The following BEND4 variants were observed in gnomAD, a reference collection of about 807,000 sequenced individuals.
The protein encoded by BEND4 is BEN domain containing 4.
A neutral mutation model predicts 54.7 loss-of-function variants in BEND4; 27 were observed. The observed-to-expected ratio is 0.49, with a 90% confidence interval of 0.36 to 0.68. The LOEUF (loss-of-function observed/expected upper bound fraction) is 0.68. Among genes scored for constraint, BEND4 ranks in the 30% least tolerant of loss-of-function variants. The pLI is 0.00. For missense variants in BEND4, 702 were observed against 697.2 expected (o/e 1.01, Z -0.08); for synonymous variants, 327 against 299.5 (o/e 1.09, Z -0.95).
chr4:42,133,823 C>T (rs1720595529), intron 3 of BEND4, among the ~76,000 whole-genome samples: 1 of 152,238 alleles, frequency 6.6e-6, no homozygotes, highest in Admixed American at 6.5e-5. Flanking sequence ...CACTGCACTC[C>T]AGCCTGGGCA....
Position 42,143,874 on chromosome 4 carries a change from T to C in BEND4, c.608A>G (p.Gln203Arg). 1.3e-6 allele frequency: 2 copies of C among 1,546,660 alleles called. No individual in the cohort carries two copies. Among genetic ancestry groups the C allele is most frequent in the South Asian group, 1.3e-5 (1 of 77,612 alleles). ...HSQSMISCVKQEGSSYNERQE... is the reference protein window; with the variant it reads ...HSQSMISCVKREGSSYNERQE... ...TCTTTCGTTGTAACTTGAGCCTTCC[T>C]GCTTTACGCAAGAAATCATGGACTG... The change falls in exon 3 of 6, where the codon CAG (glutamine) becomes CGG (arginine). Residue 203 changes from glutamine to arginine, a missense_variant. By Grantham distance (43) the Gln-to-Arg change is conservative (BLOSUM62 1). Transcript: ENST00000502486.
intron 4 of BEND4, 105 bp from the exon 5 acceptor site, chr4:42,120,399 T>C (rs139179290): frequency 1.3e-3 from 1,778 of 1,392,346 alleles, no homozygotes; most frequent in Non-Finnish European, 1.7e-3. Context: ...CAAGTGGCTA[T>C]GCTGACAATG....
intron 3 of BEND4, among the ~76,000 whole-genome samples, chr4:42,132,513 C>T (rs1043383790): frequency 3.9e-5 from 6 of 152,072 alleles, no homozygotes; most frequent in African/African-American, 1.2e-4. Flanking sequence ...GGTGTGACCT[C>T]GGCTCACTGC....
chr4:42,122,629 C>T (rs1044702378), intron 4 of BEND4, among the ~76,000 whole-genome samples: 1 of 152,152 alleles, frequency 6.6e-6, no homozygotes, highest in African/African-American at 2.4e-5. Context: ...GAGACTTCTA[C>T]CATCCTTAAT....
At chr4:42,137,946 A>C (rs1467745564) in intron 3 of BEND4, among the ~76,000 whole-genome samples, 1 of 152,170 alleles carries the variant, frequency 6.6e-6, no homozygotes, top group Non-Finnish European at 1.5e-5. Context: ...AAAGATAACA[A>C]GTGTTGGTGA....
intron 3 of BEND4, among the ~76,000 whole-genome samples, chr4:42,143,128 A>G (rs140849489): frequency 6.6e-6 from 1 of 152,334 alleles, no homozygotes; most frequent in Non-Finnish European, 1.5e-5. Flanking sequence ...AATTATTTTT[A>G]TATTGACAGA....
chr4:42,145,689 CA>C (rs5857833), intron 2 of BEND4, among the ~76,000 whole-genome samples: 24,565 of 104,708 alleles, frequency 0.23, 2,038 homozygotes, highest in Middle Eastern at 0.31. Context: ...GACTCCATCT[CA>C]AAAAAAAAAA....
In BEND4 at chr4:42,150,802, T is replaced by C. The variant is rs146404100; in HGVS notation, c.487+855A>G. The stretch of plus-strand genomic sequence containing the variant: ...AGGAGAGGAGTCGCGGACCCCAGAG[T>C]GGGTGCCTCCCACGAGGCGTTTCTG... On this transcript the variant is annotated intron_variant, in intron 2 of 5. Transcript: ENST00000502486. Among the ~76,000 whole-genome samples, 379 of 148,164 alleles carry C rather than the reference T, an allele frequency of 2.6e-3. 1 individual carries two copies. Among genetic ancestry groups the C allele is most frequent in the African/African-American group, 9.1e-3 (366 of 40,132 alleles).
At chr4:42,134,806 G>A (rs1720640108) in intron 3 of BEND4, among the ~76,000 whole-genome samples, 1 of 152,194 alleles carries the variant, frequency 6.6e-6, no homozygotes, top group South Asian at 2.1e-4. Flanking sequence ...TATGTTCTTA[G>A]GTTGAAAGGA....
rs375546339 is a variant in BEND4, at chr4:42,130,308, A to G, written c.1055-4634T>C. On this transcript the variant is annotated intron_variant, in intron 3 of 5. Transcript: ENST00000502486. Reference sequence around the variant, plus strand: ...ATCCCAGCTAACACGGTGAAACCCCATCTCTACTAAAAATACAAAAAATTA... The same window carrying G: ...ATCCCAGCTAACACGGTGAAACCCCGTCTCTACTAAAAATACAAAAAATTA... Among the ~76,000 whole-genome samples the G allele has an allele frequency of 7.9e-4, 120 of 151,970 alleles. No homozygotes were observed. The Middle Eastern group carries it at 0.02, about 26-fold the overall frequency.
rs565976119 is a variant in BEND4, at chr4:42,135,608, T to A, written c.1054+7820A>T. 2.0e-5 allele frequency among the ~76,000 whole-genome samples: 3 copies of A among 151,416 alleles called. No individual in the cohort carries two copies. In the East Asian group the frequency reaches 5.9e-4, roughly 30 times the overall value. On this transcript the variant is annotated intron_variant, in intron 3 of 5. Coordinates refer to ENST00000502486, the MANE Select transcript of BEND4 (RefSeq NM_207406.4). Reference sequence around the variant, plus strand: ...TAACACAGTGAAACCCCGTCTCTACTAAAAAAAATACAAAAAATTAGCCAG... The same window carrying A: ...TAACACAGTGAAACCCCGTCTCTACAAAAAAAAATACAAAAAATTAGCCAG...
intron 3 of BEND4, among the ~76,000 whole-genome samples, chr4:42,139,103 T>C (rs1350946623): frequency 6.6e-6 from 1 of 152,222 alleles, no homozygotes; most frequent in Non-Finnish European, 1.5e-5. Context: ...ATTTTCCTTC[T>C]TTTAAAAACC....
intron 1 of BEND4, 24 bp from the exon 2 acceptor site, chr4:42,152,400 A>G (rs906907086): frequency 3.9e-6 from 1 of 255,278 alleles, no homozygotes; most frequent in Non-Finnish European, 7.4e-6. Flanking sequence ...GGAGGTAAAG[A>G]GCAAGTGTTT....
Position 42,143,622 on chromosome 4 carries a change from A to G in BEND4, c.860T>C (p.Val287Ala), listed in dbSNP as rs202109836. 1.2e-5 allele frequency: 19 copies of G among 1,610,674 alleles called. No individual in the cohort carries two copies. Among genetic ancestry groups the G allele is most frequent in the Non-Finnish European group, 1.6e-5 (19 of 1,178,470 alleles). ...GGAAGTCCAGCCACCTAATGTATGC[A>G]CAGGAGAGGTTGACAGAGGATCCAC... is the stretch of plus-strand genomic sequence containing the variant. ...ADVDPLSTSP[V>A]HTLGGWTSPA... The change falls in exon 3 of 6, where the codon GTG becomes GCG. Residue 287 changes from valine (V) to alanine (A), a missense_variant. Coordinates refer to ENST00000502486, the MANE Select transcript of BEND4 (RefSeq NM_207406.4).
intron 4 of BEND4, 44 bp downstream of exon 4, chr4:42,125,539 A>C (rs1458962268): frequency 7.0e-7 from 1 of 1,434,168 alleles, no homozygotes; most frequent in Non-Finnish European, 9.8e-7. Flanking sequence ...AAGATACTTA[A>C]GAGAATTCCA....
intron 3 of BEND4, among the ~76,000 whole-genome samples, chr4:42,139,478 C>A (rs1246381746): frequency 6.6e-6 from 1 of 151,580 alleles, no homozygotes; most frequent in South Asian, 2.1e-4. Flanking sequence ...GGTCTTTCAC[C>A]TTTTTCCTTG....
intron 2 of BEND4, among the ~76,000 whole-genome samples, chr4:42,146,387 A>C (rs1325340857): frequency 6.6e-6 from 1 of 152,256 alleles, no homozygotes; most frequent in Non-Finnish European, 1.5e-5. Flanking sequence ...AGGTGGACAG[A>C]ACATATTTTG....
At chr4:42,142,318 CA>C in intron 3 of BEND4, among the ~76,000 whole-genome samples, 1 of 150,664 alleles carries the variant, frequency 6.6e-6, no homozygotes, top group East Asian at 2.0e-4. Context: ...GGAATGAATT[CA>C]AAGATAAAAG....
At chr4:42,150,178 A>G (rs572783561) in intron 2 of BEND4, among the ~76,000 whole-genome samples, 16 of 152,310 alleles carry the variant, frequency 1.1e-4, no homozygotes, top group Non-Finnish European at 1.9e-4. Context: ...AGCCAGAAAG[A>G]AAGAAAATGA....
Sources: allele counts gnomAD v4.1 joint callset (sites outside exome capture counted in the v4.1 genomes callset), GRCh38; gene constraint gnomAD v4.1.1; transcripts MANE v1.5; gene names NCBI Gene and HGNC (gene_info 2026-07-23, HGNC 2026-07-21).